The following RALGAPA2 variants were observed in gnomAD, a reference collection of about 807,000 sequenced individuals.
The protein encoded by RALGAPA2 is Ral GTPase activating protein catalytic subunit alpha 2.
Under a neutral mutation model 230.4 loss-of-function variants are expected in RALGAPA2, and 139 were observed. That is an observed-to-expected ratio of 0.60 (90% confidence interval 0.53 to 0.69). The LOEUF is 0.69. RALGAPA2 is among the 30% of genes least tolerant of loss of function. RALGAPA2 has a pLI of 0.00. For missense variants in RALGAPA2, 2,163 were observed against 2,276.0 expected, an observed-to-expected ratio of 0.95 and a Z score of 1.01; for synonymous variants, 847 against 837.8, an observed-to-expected ratio of 1.01 and a Z score of -0.19.
At chr20:20,697,614 C>T (rs2069170059) in intron 1 of RALGAPA2, among the ~76,000 whole-genome samples, 1 of 152,056 alleles carries the variant, frequency 6.6e-6, no homozygotes, top group South Asian at 2.1e-4. Context: ...TCCAGGCTGA[C>T]CAATCACAGT....
At chr20:20,512,415 TCC>T in intron 32 of RALGAPA2, 96 bp downstream of exon 32, 1 of 1,231,316 alleles carries the variant, frequency 8.1e-7, no homozygotes, top group African/African-American at 1.5e-5. Flanking sequence ...TCTCCTCTCT[TCC>T]CCAATCTTTT....
At chr20:20,452,724 G>A (rs183695070) in intron 37 of RALGAPA2, among the ~76,000 whole-genome samples, 14 of 152,364 alleles carry the variant, frequency 9.2e-5, no homozygotes, top group Non-Finnish European at 1.8e-4. Flanking sequence ...GAATCTGCTC[G>A]TTCATGCCTT....
At chr20:20,502,578 C>A (rs374893403) in intron 35 of RALGAPA2, among the ~76,000 whole-genome samples, 3 of 152,166 alleles carry the variant, frequency 2.0e-5, no homozygotes, top group Admixed American at 6.5e-5. Flanking sequence ...TGCCTGTCAC[C>A]GGAGCCTGGC....
At chr20:20,524,600 GTAA>G (rs1244825772) in intron 29 of RALGAPA2, 57 bp from the exon 30 acceptor site, 2 of 1,595,426 alleles carry the variant, frequency 1.3e-6, no homozygotes, top group African/African-American at 2.7e-5. Flanking sequence ...CTCACTACAT[GTAA>G]TAATAAGAGA....
intron 24 of RALGAPA2, among the ~76,000 whole-genome samples, chr20:20,544,143 C>T (rs1347888744): frequency 7.2e-5 from 11 of 151,738 alleles, no homozygotes; most frequent in Admixed American, 2.6e-4. Context: ...AACAATAGGC[C>T]GGGCACGGTG....
intron 8 of RALGAPA2, 59 bp from the exon 9 acceptor site, chr20:20,635,676 C>A: frequency 3.0e-6 from 4 of 1,350,924 alleles, no homozygotes; most frequent in Non-Finnish European, 4.0e-6. Context: ...TTAAGTAATC[C>A]CTACAAATGT....
intron 37 of RALGAPA2, among the ~76,000 whole-genome samples, chr20:20,458,929 C>T (rs2061236496): frequency 6.8e-6 from 1 of 147,258 alleles, no homozygotes; most frequent in Non-Finnish European, 1.5e-5. Flanking sequence ...ACTGATCTCA[C>T]ATCAAGGAAG....
In RALGAPA2 at chr20:20,712,110, T is replaced by A. The variant is rs377634916; in HGVS notation, c.106+265A>T. On this transcript the variant is annotated intron_variant, in intron 1 of 39. Coordinates refer to ENST00000202677, the MANE Select transcript of RALGAPA2 (RefSeq NM_020343.4). The surrounding 1 kb of genome is among the most constrained non-coding windows in gnomAD (Gnocchi z 5.5). ...GGGACAGGTACCTCTGTGCCCGGCC[T>A]CCAGGTTCTCCGGGAGCGCAGGCGC... Among the ~76,000 whole-genome samples the A allele has an allele frequency of 6.6e-6, 1 of 152,248 alleles. No homozygotes were observed. Among genetic ancestry groups the A allele is most frequent in the East Asian group, 1.9e-4 (1 of 5,148 alleles).
chr20:20,662,689 T>A (rs2067823411), intron 3 of RALGAPA2, among the ~76,000 whole-genome samples: 2 of 152,192 alleles, frequency 1.3e-5, no homozygotes, highest in Non-Finnish European at 1.5e-5. Flanking sequence ...GTGCCCATTA[T>A]GTGCGAGGTA....
chr20:20,531,891 C>T, intron 26 of RALGAPA2, 96 bp from the exon 27 acceptor site: 1 of 1,003,318 alleles, frequency 1.0e-6, no homozygotes, highest in Non-Finnish European at 1.5e-6. Context: ...TCTATTTATA[C>T]AAAATAGCAA....
chr20:20,641,687 G>A (rs1421344488), intron 5 of RALGAPA2, among the ~76,000 whole-genome samples: 2 of 151,468 alleles, frequency 1.3e-5, no homozygotes, highest in African/African-American at 4.8e-5. Flanking sequence ...AAGCAAAAGA[G>A]GTTGAAAAAA....
chr20:20,637,320 T>C (rs748416248), intron 8 of RALGAPA2, 43 bp downstream of exon 8: 13 of 1,464,456 alleles, frequency 8.9e-6, no homozygotes, highest in African/African-American at 2.9e-5. Flanking sequence ...ACTGCATAGC[T>C]TTCCTTTGGA....
Position 20,583,178 on chromosome 20 carries a change from T to C in RALGAPA2, c.2579A>G (p.Glu860Gly), listed in dbSNP as rs2065038034. 1 of 1,613,578 alleles carries C rather than the reference T, an allele frequency of 6.2e-7. No homozygotes were observed. Among genetic ancestry groups the C allele is most frequent in the African/African-American group, 1.3e-5 (1 of 74,914 alleles). ...DTTLGCTNEAELSMGPWQTCE... is the reference protein window; with the variant it reads ...DTTLGCTNEAGLSMGPWQTCE... The stretch of plus-strand genomic sequence containing the variant: ...GGTCTGCCATGGGCCCATGGACAGC[T>C]CTGCCTCATTGGTACAGCCCAGAGT... Residue 860 changes from glutamate to glycine, a missense_variant, in exon 20 of 40, where the codon GAG (glutamate) becomes GGG (glycine). Physicochemically the swap from Glu to Gly is moderately conservative, Grantham distance 98. Transcript: ENST00000202677.
At position 20,513,042 on chromosome 20, in the gene RALGAPA2, G is replaced by A. The variant is rs1197917788; in HGVS notation, c.4327C>T (p.Pro1443Ser). Residue 1443 changes from proline (P) to serine (S), a missense_variant, in exon 32 of 40, where the codon CCC becomes TCC. By Grantham distance (74) the Pro-to-Ser change is moderately conservative. Transcript: ENST00000202677. ...DSTLISYLQT[P>S]TEGPVGGSPV... ...GATCCCCCTACCGGTCCTTCTGTGGGTGTCTGAAGGTAGGAGATGAGGGTG... is the reference window on the plus strand; with the variant it reads ...GATCCCCCTACCGGTCCTTCTGTGGATGTCTGAAGGTAGGAGATGAGGGTG... 1 of 1,611,950 alleles carries A rather than the reference G, an allele frequency of 6.2e-7. No homozygotes were observed. Among genetic ancestry groups the A allele is most frequent in the Non-Finnish European group, 8.5e-7 (1 of 1,179,196 alleles).
intron 36 of RALGAPA2, among the ~76,000 whole-genome samples, chr20:20,483,542 C>A (rs550936405): frequency 6.6e-6 from 1 of 152,090 alleles, no homozygotes; most frequent in Admixed American, 6.5e-5. Context: ...GGCATCAGGA[C>A]CATCCATCAA....
intron 1 of RALGAPA2, among the ~76,000 whole-genome samples, chr20:20,691,456 T>C (rs763164929): frequency 2.6e-5 from 4 of 152,194 alleles, no homozygotes; most frequent in Non-Finnish European, 5.9e-5. Flanking sequence ...ATACAAAGGA[T>C]TTTTTACAAT....
chr20:20,395,398 C>T (rs886247017), intron 39 of RALGAPA2, among the ~76,000 whole-genome samples: 14 of 152,256 alleles, frequency 9.2e-5, no homozygotes, highest in South Asian at 2.1e-4. Context: ...TTGCTCCACT[C>T]GCACTGCCTC....
intron 23 of RALGAPA2, among the ~76,000 whole-genome samples, chr20:20,551,544 G>A (rs1236100894): frequency 6.6e-6 from 1 of 152,198 alleles, no homozygotes; most frequent in Non-Finnish European, 1.5e-5. Context: ...AGTAACTGGT[G>A]AGAACATCTG....
intron 15 of RALGAPA2, among the ~76,000 whole-genome samples, chr20:20,604,870 A>T (rs2065770809): frequency 6.6e-6 from 1 of 152,208 alleles, no homozygotes; most frequent in African/African-American, 2.4e-5. Context: ...ACAGTTCACT[A>T]GGTTATTATG....
Sources: allele counts gnomAD v4.1 joint callset (sites outside exome capture counted in the v4.1 genomes callset), GRCh38; gene constraint gnomAD v4.1.1; non-coding constraint Gnocchi (gnomAD v3.1); transcripts MANE v1.5; gene names NCBI Gene and HGNC (gene_info 2026-07-23, HGNC 2026-07-21).